The following NEB variants were observed in gnomAD, a reference collection of about 807,000 sequenced individuals.
NEB encodes nemaline myopathy type 2.
NEB carries 512 observed loss-of-function variants against 952.2 expected under a neutral mutation model. That is an observed-to-expected ratio of 0.54 (90% CI 0.50 to 0.58). NEB has a LOEUF of 0.58. Ranked by LOEUF, NEB falls within the 20% of genes least tolerant of loss-of-function variation. NEB has a pLI of 0.00. For synonymous variants in NEB, 2,900 were observed against 3,149.8 expected (o/e 0.92, Z 2.66); for missense variants, 8,428 against 9,231.1 (o/e 0.91, Z 3.56).
At chr2:151,554,128 G>A in intron 125 of NEB, 103 bp from the exon 126 acceptor site, 1 of 1,038,552 alleles carries the variant, frequency 9.6e-7, no homozygotes, top group South Asian at 1.4e-5. Context: ...AACAGTTGGG[G>A]GCAGGGCAGT....
At position 151,565,838 on chromosome 2, in the gene NEB, G is replaced by A. The variant is rs758745423; in HGVS notation, c.18157-18C>T. ...TAGACATTCTGAGAGCAGGAAGAGA[G>A]ATATAATGGAGGAATAAATGACTGA... On this transcript the variant is annotated intron_variant, in intron 114 of 181. Transcript: ENST00000397345. The A allele has an allele frequency of 1.3e-6, 2 of 1,545,492 alleles. No individual in the cohort carries two copies. The highest frequency in any genetic ancestry group is 1.8e-5 in the Admixed American group (1 of 56,604).
intron 10 of NEB, among the ~76,000 whole-genome samples, chr2:151,712,830 C>T (rs185274755): frequency 1.1e-3 from 162 of 152,124 alleles, no homozygotes; most frequent in African/African-American, 3.8e-3. Flanking sequence ...TACATGGAGA[C>T]GGGTTACTCA....
Position 151,677,861 on chromosome 2 carries a change from G to GTAAATGACACT in NEB, c.3567+4_3567+14dup, listed in dbSNP as rs1455247995. 4 of 1,606,156 alleles carry GTAAATGACACT rather than the reference G, an allele frequency of 2.5e-6. No individual in the cohort carries two copies. Among genetic ancestry groups the GTAAATGACACT allele is most frequent in the Non-Finnish European group, 3.4e-6 (4 of 1,175,306 alleles). On this transcript the variant is annotated intron_variant, in intron 33 of 181. Transcript: ENST00000397345. ...ACTTAATAGGGGGGTTTCTTGAGAA[G>GTAAATGACACT]TAAATGACACTTACATCACTCTGTA... is the stretch of plus-strand genomic sequence containing the variant.
intron 136 of NEB, among the ~76,000 whole-genome samples, chr2:151,541,112 C>T (rs984017644): frequency 6.6e-6 from 1 of 152,006 alleles, no homozygotes; most frequent in African/African-American, 2.4e-5. Flanking sequence ...ACATATTTTC[C>T]CCTGATTTTT....
rs967523405 is a variant in NEB, at chr2:151,505,421, G to C, written c.23742+57C>G. 9.4e-6 allele frequency: 13 copies of C among 1,383,740 alleles called. No individual in the cohort carries two copies. In the East Asian group the frequency reaches 3.0e-4, roughly 32 times the overall value. The allele number at this position is 1,383,740 out of a possible 1,614,324, so 85.7% of individuals were successfully genotyped here. A position where few individuals can be genotyped will look rare whatever the true frequency, so the allele number is the denominator to read the frequency against. On this transcript the variant is annotated intron_variant, in intron 165 of 181. Transcript: ENST00000397345. The stretch of plus-strand genomic sequence containing the variant: ...AAGCAGAAAGATGAGAGAGCACCAG[G>C]GTAGCAATTGAGAGATGGCCAGTCA...
chr2:151,493,267 A>G, intron 176 of NEB, 86 bp downstream of exon 176: 1 of 1,020,268 alleles, frequency 9.8e-7, no homozygotes, highest in Middle Eastern at 2.2e-4. Context: ...TGTGTTTTTC[A>G]GTTGAATGAG....
At chr2:151,709,600 A>C (rs745338464) in intron 12 of NEB, 56 bp downstream of exon 12, 1 of 1,366,736 alleles carries the variant, frequency 7.3e-7, no homozygotes, top group East Asian at 2.5e-5. Flanking sequence ...AGCCAAAGTT[A>C]TAAGAAATTT....
intron 146 of NEB, among the ~76,000 whole-genome samples, chr2:151,528,475 A>C (rs149668769): frequency 1.9e-4 from 29 of 152,276 alleles, no homozygotes; most frequent in Middle Eastern, 3.4e-3. Flanking sequence ...TTTGCAAGGT[A>C]CGTTTTACTG....
chr2:151,549,657 G>T lies in NEB; in HGVS notation c.20028C>A (p.Asp6676Glu). Residue 6676 changes from aspartate to glutamate, a missense_variant, in exon 130 of 182, where the codon GAC (aspartate) becomes GAA (glutamate). Around this residue, in one of 11 missense-constraint regions of NEB, gnomAD observed 3,374 missense variants for 3,651.5 expected, o/e 0.92. Transcript: ENST00000397345. ...GDTPHFKHIK[D>E]TRYMSSYFKY... ...TCACATAACTGCTCATGTAACGGGT[G>T]TCCTTGATGTGTTTGAAGTGAGGAG... 6.3e-7 allele frequency: 1 copy of T among 1,599,734 alleles called. No homozygotes were observed. The highest frequency in any genetic ancestry group is 8.5e-7 in the Non-Finnish European group (1 of 1,172,390).
At chr2:151,689,828 G>T (rs2099533211) in intron 24 of NEB, 1 of 152,200 alleles carries the variant, frequency 6.6e-6, no homozygotes, top group Non-Finnish European at 1.5e-5. Context: ...AAGATGCTCA[G>T]AAAAGTGGCA....
intron 124 of NEB, among the ~76,000 whole-genome samples, chr2:151,556,597 G>T (rs1025586379): frequency 6.6e-6 from 1 of 152,062 alleles, no homozygotes; most frequent in Admixed American, 6.6e-5. Flanking sequence ...AACCAACAAA[G>T]ATCAAAAGAG....
intron 107 of NEB, 81 bp from the exon 108 acceptor site, chr2:151,570,682 A>T (rs2096594035): frequency 7.8e-7 from 1 of 1,280,918 alleles, no homozygotes. Context: ...TTAATACCAC[A>T]GGGGCACAGT....
chr2:151,679,616 T>C (rs2099399342), intron 32 of NEB, 105 bp downstream of exon 32: 1 of 707,962 alleles, frequency 1.4e-6, no homozygotes, highest in African/African-American at 1.8e-5. Flanking sequence ...CAGATTTGCT[T>C]CCAATTGGGG....
At position 151,617,310 on chromosome 2, in the gene NEB, T is replaced by C. The variant is rs2098232400; in HGVS notation, c.11181+54A>G. 3 of 1,232,780 alleles carry C rather than the reference T, an allele frequency of 2.4e-6. No individual in the cohort carries two copies. In the East Asian group the frequency reaches 7.6e-5, roughly 31 times the overall value. The allele number at this position is 1,232,780 out of a possible 1,614,324, so 76.4% of individuals were successfully genotyped here. ...CAAAACCTTTTCCTAAGGAAACAGC[T>C]ACAGTGGTTCATTTTTGCCTTTCTG... On this transcript the variant is annotated intron_variant, in intron 75 of 181. Transcript: ENST00000397345.
chr2:151,680,469 T>A (rs2099405918), intron 30 of NEB, among the ~76,000 whole-genome samples: 1 of 152,188 alleles, frequency 6.6e-6, no homozygotes, highest in African/African-American at 2.4e-5. Context: ...GTAGTTTTTG[T>A]TGTCATTAAG....
chr2:151,551,617 C>T, intron 129 of NEB, 121 bp downstream of exon 129: 1 of 745,592 alleles, frequency 1.3e-6, no homozygotes. Context: ...TGTTTTTTCA[C>T]CTCATGTGAA....
chr2:151,671,239 G>A lies in NEB; in HGVS notation c.4300-10C>T, dbSNP rs2154190857. 3 of 1,602,380 alleles carry A rather than the reference G, an allele frequency of 1.9e-6. No homozygotes were observed. Among genetic ancestry groups the A allele is most frequent in the Non-Finnish European group, 2.6e-6 (3 of 1,170,232 alleles). On this transcript the variant is annotated splice_polypyrimidine_tract_variant and intron_variant, in intron 37 of 181. Transcript: ENST00000397345. ...CGTCTTTATACACATTCTGTAAAAG[G>A]GTAAGCTAATATGAGAAGATACCCT...
At chr2:151,634,722 G>A (rs778786801) in intron 64 of NEB, among the ~76,000 whole-genome samples, 7 of 151,872 alleles carry the variant, frequency 4.6e-5, no homozygotes, top group Admixed American at 1.3e-4. Flanking sequence ...CAACCGAGGA[G>A]AATTTATTAT....
chr2:151,500,461 A>G (rs1236615559), intron 168 of NEB, among the ~76,000 whole-genome samples: 1 of 152,098 alleles, frequency 6.6e-6, no homozygotes, highest in East Asian at 1.9e-4. Flanking sequence ...TTCAGCAACA[A>G]TATTAATAAA....
Sources: gnomAD v4.1 joint callset for allele counts (sites outside exome capture counted in the v4.1 genomes callset) on GRCh38, gnomAD v4.1.1 for gene constraint, gnomAD v4.1.1 regional missense constraint, MANE v1.5 for transcripts, NCBI Gene and HGNC (gene_info 2026-07-23, HGNC 2026-07-21) for gene names.